Variants in PLXNA4 observed in about 807,000 individuals in gnomAD.
PLXNA4 encodes plexin A4.
Under a neutral mutation model 191.8 loss-of-function variants are expected in PLXNA4, and 44 were observed. The ratio of observed to expected loss-of-function variants is 0.23; its 90% CI spans 0.18 to 0.29. PLXNA4 has a LOEUF of 0.29. Ranked by LOEUF, PLXNA4 falls within the 10% of genes least tolerant of loss-of-function variation. The pLI is 1.00. For synonymous variants in PLXNA4, 1,082 were observed against 1,009.5 expected (o/e 1.07, Z -1.36); for missense variants, 1,800 against 2,488.8 (o/e 0.72, Z 5.89).
chr7:132,645,447 G>A (rs1016561047), intron 2 of PLXNA4, among the ~76,000 whole-genome samples: 2 of 152,118 alleles, frequency 1.3e-5, no homozygotes, highest in Non-Finnish European at 2.9e-5. Flanking sequence ...TGCCATGATT[G>A]TAAGTTTCCT....
At chr7:132,219,909 A>C (rs1798089082) in intron 9 of PLXNA4, among the ~76,000 whole-genome samples, 1 of 152,186 alleles carries the variant, frequency 6.6e-6, no homozygotes, top group African/African-American at 2.4e-5. Flanking sequence ...GCCTAGGGGC[A>C]ATAGGCTATG....
intron 3 of PLXNA4, among the ~76,000 whole-genome samples, chr7:132,479,648 CT>C (rs1797263377): frequency 6.6e-6 from 1 of 152,138 alleles, no homozygotes; most frequent in Admixed American, 6.5e-5. Flanking sequence ...TCTTTGCATT[CT>C]TTTATTAACC....
At chr7:132,197,672 C>T (rs566091976) in intron 13 of PLXNA4, among the ~76,000 whole-genome samples, 1 of 152,126 alleles carries the variant, frequency 6.6e-6, no homozygotes, top group African/African-American at 2.4e-5. Flanking sequence ...GGGGAGATCT[C>T]ATGGAAATCA....
chr7:132,388,759 G>A (rs1352839354), intron 3 of PLXNA4, among the ~76,000 whole-genome samples: 1 of 152,220 alleles, frequency 6.6e-6, no homozygotes. Context: ...CAACCTTTGG[G>A]TTGTAGAATT....
chr7:132,590,404 C>T lies in PLXNA4; in HGVS notation c.-87+55524G>A, dbSNP rs114400306. ...GTTTATTAAGGAGTATTGACTCACA[C>T]GATCACAAAGTGAAGTGCCACAATA... On this transcript the variant is annotated intron_variant, in intron 2 of 4. Transcript: ENST00000378539. 5.4e-3 allele frequency among the ~76,000 whole-genome samples: 828 copies of T among 152,250 alleles called. 10 individuals are homozygous for T. The highest frequency in any genetic ancestry group is 0.019 in the African/African-American group (796 of 41,544).
At chr7:132,134,759 C>A (rs540586375) in intron 30 of PLXNA4, among the ~76,000 whole-genome samples, 1 of 152,282 alleles carries the variant, frequency 6.6e-6, no homozygotes, top group South Asian at 2.1e-4. Flanking sequence ...GGCCGCCCTG[C>A]CCCCGTCTCA....
At chr7:132,310,685 T>C (rs1473206030) in intron 3 of PLXNA4, among the ~76,000 whole-genome samples, 4 of 152,218 alleles carry the variant, frequency 2.6e-5, no homozygotes, top group Non-Finnish European at 5.9e-5. Flanking sequence ...TGCAATTTCC[T>C]TGACAAATAA....
At chr7:132,563,970 CCTCCTCCTCCTTCTCCTCCTCCTCCTT>C (rs201475652) in intron 1 of PLXNA4, among the ~76,000 whole-genome samples, 17,846 of 68,498 alleles carry the variant, frequency 0.26, 4,788 homozygotes, top group Non-Finnish European at 0.4. Context: ...CATTCTTTCT[CCTCCTCCTCCTTCTCCTCCTCCTCCTT>C]CTCCTCCTCC....
At chr7:132,267,554 G>A (rs78102695) in intron 4 of PLXNA4, among the ~76,000 whole-genome samples, 11 of 152,120 alleles carry the variant, frequency 7.2e-5, no homozygotes, top group Admixed American at 7.2e-4. Context: ...TAAGCTACAT[G>A]GTGGAGCTGG....
At chr7:132,636,266 G>A (rs1385388877) in intron 2 of PLXNA4, among the ~76,000 whole-genome samples, 2 of 152,344 alleles carry the variant, frequency 1.3e-5, no homozygotes, top group South Asian at 4.1e-4. Context: ...GAGTGCAGGG[G>A]CCTAGGAATT....
intron 4 of PLXNA4, among the ~76,000 whole-genome samples, chr7:132,248,897 A>G (rs1297644831): frequency 6.6e-6 from 1 of 152,146 alleles, no homozygotes; most frequent in Non-Finnish European, 1.5e-5. Context: ...CTCCTTGGGA[A>G]TGATTTGCCT....
At chr7:132,136,713 C>A (rs980685893) in intron 30 of PLXNA4, among the ~76,000 whole-genome samples, 4 of 152,206 alleles carry the variant, frequency 2.6e-5, no homozygotes, top group Non-Finnish European at 5.9e-5. Context: ...TTTAGGTTAG[C>A]TCTGTAGTGA....
At chr7:132,319,607 C>T (rs1043373982) in intron 3 of PLXNA4, among the ~76,000 whole-genome samples, 1 of 152,230 alleles carries the variant, frequency 6.6e-6, no homozygotes, top group Non-Finnish European at 1.5e-5. Flanking sequence ...CGCTGCACTC[C>T]TCTACCATGA....
chr7:132,453,990 G>T (rs956610106), intron 3 of PLXNA4, among the ~76,000 whole-genome samples: 1 of 152,212 alleles, frequency 6.6e-6, no homozygotes, highest in Non-Finnish European at 1.5e-5. Context: ...AGCAGAATGA[G>T]GTTTGCACCA....
intron 2 of PLXNA4, among the ~76,000 whole-genome samples, chr7:132,607,916 TCACCATCAC>T (rs1373909997): frequency 6.7e-6 from 1 of 148,172 alleles, no homozygotes; most frequent in Non-Finnish European, 1.5e-5. Flanking sequence ...CTTATCACTA[TCACCATCAC>T]CACCATCACC....
chr7:132,424,577 C>G (rs764943651), intron 3 of PLXNA4, among the ~76,000 whole-genome samples: 4 of 152,158 alleles, frequency 2.6e-5, no homozygotes, highest in Non-Finnish European at 5.9e-5. Flanking sequence ...GCCCAGGGCT[C>G]CCTGTGACCT....
chr7:132,590,737 A>ATG (rs1448709204), intron 2 of PLXNA4, among the ~76,000 whole-genome samples: 1 of 152,154 alleles, frequency 6.6e-6, no homozygotes, highest in Non-Finnish European at 1.5e-5. Context: ...ACTGACTCAA[A>ATG]TGTTAATCTT....
At chr7:132,641,268 T>C (rs1014726931) in intron 2 of PLXNA4, among the ~76,000 whole-genome samples, 2 of 152,222 alleles carry the variant, frequency 1.3e-5, no homozygotes, top group African/African-American at 4.8e-5. Context: ...ACAACAGAGC[T>C]TTATTTTGTC....
intron 1 of PLXNA4, among the ~76,000 whole-genome samples, chr7:132,562,086 CCCTCCTCCTTTCT>C: frequency 1.1e-5 from 1 of 94,762 alleles, no homozygotes; most frequent in African/African-American, 4.7e-5. Flanking sequence ...CTCCTCCTCT[CCCTCCTCCTTTCT>C]CCTCCTCCTC....
Sources: allele counts gnomAD v4.1 joint callset (sites outside exome capture counted in the v4.1 genomes callset), GRCh38; gene constraint gnomAD v4.1.1; transcripts MANE v1.5; gene names NCBI Gene and HGNC (gene_info 2026-07-23, HGNC 2026-07-21).